GNG12: variants seen among roughly 807,000 people sequenced by gnomAD.
GNG12 encodes the protein guanine nucleotide-binding protein G(I)/G(S)/G(O) subunit gamma-12.
For synonymous variants in GNG12, 28 were observed against 29.7 expected (o/e 0.94, Z 0.19); for missense variants, 69 against 83.8 (o/e 0.82, Z 0.69).
At chr1:67,723,750 G>T (rs1381993498) in intron 2 of GNG12, among the ~76,000 whole-genome samples, 1 of 152,200 alleles carries the variant, frequency 6.6e-6, no homozygotes, top group Non-Finnish European at 1.5e-5. Flanking sequence ...GGAGGAGTCA[G>T]CACTCTAATC....
At chr1:67,758,074 C>A (rs1255463651) in intron 2 of GNG12, among the ~76,000 whole-genome samples, 1 of 152,148 alleles carries the variant, frequency 6.6e-6, no homozygotes, top group Non-Finnish European at 1.5e-5. Context: ...CAGGTTCAAG[C>A]AATTCTCCTG....
intron 1 of GNG12, among the ~76,000 whole-genome samples, chr1:67,805,184 AAC>A (rs777183895): frequency 2.5e-4 from 38 of 152,310 alleles, no homozygotes; most frequent in Admixed American, 1.2e-3. Flanking sequence ...CCTCAGATCT[AAC>A]CACAGAGGTA....
At chr1:67,735,002 C>T (rs895456708) in intron 2 of GNG12, among the ~76,000 whole-genome samples, 18 of 152,010 alleles carry the variant, frequency 1.2e-4, no homozygotes, top group Non-Finnish European at 2.5e-4. Flanking sequence ...TACAGGCATG[C>T]ATCACCACGC....
intron 1 of GNG12, among the ~76,000 whole-genome samples, chr1:67,830,298 C>T (rs1243509174): frequency 2.0e-5 from 3 of 152,136 alleles, no homozygotes; most frequent in African/African-American, 7.2e-5. Flanking sequence ...AGCCACAGCG[C>T]CTGGCAAGAT....
intron 1 of GNG12, among the ~76,000 whole-genome samples, chr1:67,783,071 T>C (rs1366232053): frequency 6.6e-6 from 1 of 152,188 alleles, no homozygotes; most frequent in Non-Finnish European, 1.5e-5. Flanking sequence ...CTTTTGTATA[T>C]ACTTGCTGTA....
intron 2 of GNG12, among the ~76,000 whole-genome samples, chr1:67,724,493 G>A (rs1646374957): frequency 6.6e-6 from 1 of 152,160 alleles, no homozygotes; most frequent in Non-Finnish European, 1.5e-5. Flanking sequence ...AGGTTCAAGT[G>A]ATTCTCCTGC....
In GNG12 at chr1:67,757,811, GT is replaced by G. The variant is rs761705924; in HGVS notation, c.-27+19646del. 1.6e-4 allele frequency among the ~76,000 whole-genome samples: 24 copies of G among 152,306 alleles called. No homozygotes were observed. The South Asian group carries it at 4.6e-3, about 29-fold the overall frequency. On this transcript the variant is annotated intron_variant, in intron 2 of 3. Transcript: ENST00000370982. ...TTTCTTTGAGAAGGCTGAACTAGGG[GT>G]CCCCAAGGACACTGGGGAGTGTTGG...
intron 2 of GNG12, chr1:67,772,707 C>A (rs1646681851): frequency 6.6e-6 from 1 of 152,174 alleles, no homozygotes. Flanking sequence ...GGGATTTACC[C>A]TCTCTCATGG....
chr1:67,725,313 C>T (rs1389324877), intron 2 of GNG12, among the ~76,000 whole-genome samples: 4 of 152,158 alleles, frequency 2.6e-5, no homozygotes, highest in Non-Finnish European at 5.9e-5. Flanking sequence ...CTCACCTTCT[C>T]CCATAACACG....
At chr1:67,748,995 T>A (rs1450395422) in intron 2 of GNG12, among the ~76,000 whole-genome samples, 1 of 149,828 alleles carries the variant, frequency 6.7e-6, no homozygotes. Flanking sequence ...AAAAAAAAAA[T>A]CATCTCTGAC....
intron 2 of GNG12, among the ~76,000 whole-genome samples, chr1:67,773,509 A>G (rs1646686430): frequency 6.6e-6 from 1 of 152,226 alleles, no homozygotes; most frequent in Non-Finnish European, 1.5e-5. Flanking sequence ...GTCAAGTCTC[A>G]TGAGCCTCTC....
chr1:67,832,360 A>G (rs1354829640), intron 1 of GNG12: 1 of 152,078 alleles, frequency 6.6e-6, no homozygotes, highest in Admixed American at 6.6e-5. Flanking sequence ...GGCCGCAGCA[A>G]TGCCTCCACT....
chr1:67,748,426 T>C (rs1570510252), intron 2 of GNG12, among the ~76,000 whole-genome samples: 1 of 152,194 alleles, frequency 6.6e-6, no homozygotes, highest in African/African-American at 2.4e-5. Flanking sequence ...AACAATAATC[T>C]CTTGCATGCA....
intron 1 of GNG12, among the ~76,000 whole-genome samples, chr1:67,805,904 A>G (rs559830173): frequency 9.0e-6 from 1 of 111,052 alleles, no homozygotes; most frequent in South Asian, 2.4e-4. Flanking sequence ...AAGACAAAAG[A>G]AAAAAAAAAA....
chr1:67,715,441 G>A (rs886876432), intron 2 of GNG12, among the ~76,000 whole-genome samples: 3 of 152,168 alleles, frequency 2.0e-5, no homozygotes, highest in Non-Finnish European at 4.4e-5. Context: ...AATTCAATGC[G>A]TTTAGGAGCG....
chr1:67,752,969 G>C (rs1339416146), intron 2 of GNG12, among the ~76,000 whole-genome samples: 2 of 152,128 alleles, frequency 1.3e-5, no homozygotes, highest in African/African-American at 4.8e-5. Flanking sequence ...CCAGGTGACT[G>C]CTACGCTGAA....
At position 67,781,779 on chromosome 1, in the gene GNG12, G is replaced by A. The variant is rs113049517; in HGVS notation, c.-76-4272C>T. 6.8e-3 allele frequency among the ~76,000 whole-genome samples: 1,042 copies of A among 152,248 alleles called. 12 individuals carry two copies. Among genetic ancestry groups the A allele is most frequent in the African/African-American group, 0.023 (974 of 41,548 alleles). On this transcript the variant is annotated intron_variant, in intron 1 of 3. Coordinates refer to ENST00000370982, the MANE Select transcript of GNG12 (RefSeq NM_018841.6). ...AAGACTTGCTGATGAAGTGGATACA[G>A]GGAGTCAAGCAACTTGGTCAATGAT...
intron 2 of GNG12, among the ~76,000 whole-genome samples, chr1:67,745,770 T>C (rs1646504000): frequency 6.6e-6 from 1 of 152,112 alleles, no homozygotes; most frequent in South Asian, 2.1e-4. Context: ...AATACATAAA[T>C]AGATGTTTGT....
intron 1 of GNG12, among the ~76,000 whole-genome samples, chr1:67,781,294 A>C (rs1328835522): frequency 1.3e-5 from 2 of 152,192 alleles, no homozygotes; most frequent in East Asian, 1.9e-4. Flanking sequence ...TTAACAACCA[A>C]ACCATAAATC....
Sources: allele counts gnomAD v4.1 joint callset (sites outside exome capture counted in the v4.1 genomes callset), GRCh38; gene constraint gnomAD v4.1.1; transcripts MANE v1.5; gene names NCBI Gene and HGNC (gene_info 2026-07-23, HGNC 2026-07-21).